DAB2IP: variants seen among roughly 807,000 people sequenced by gnomAD.
DAB2IP encodes the protein DAB2 interacting protein.
In DAB2IP, 28 loss-of-function variants were observed where a neutral mutation model predicts 107.2. That is an observed-to-expected ratio of 0.26 (90% CI 0.19 to 0.36). The LOEUF (loss-of-function observed/expected upper bound fraction) is 0.36. Among genes scored for constraint, DAB2IP ranks in the 10% least tolerant of loss-of-function variants. The pLI is 1.00. For missense variants in DAB2IP, 1,400 were observed against 1,644.7 expected (o/e 0.85, Z 2.57); for synonymous variants, 755 against 706.4 (o/e 1.07, Z -1.09).
chr9:121,743,425 G>A (rs1273444018), intron 3 of DAB2IP, among the ~76,000 whole-genome samples: 1 of 151,702 alleles, frequency 6.6e-6, no homozygotes, highest in Admixed American at 6.6e-5. Context: ...TTGGAGTTTC[G>A]TTTTTTGTTT....
intron 1 of DAB2IP, among the ~76,000 whole-genome samples, chr9:121,677,875 T>C (rs749616305): frequency 2.0e-5 from 3 of 152,156 alleles, no homozygotes; most frequent in Non-Finnish European, 4.4e-5. Flanking sequence ...TTGACCAGGC[T>C]GGTTTCGAAC....
rs1835209897 is a variant in DAB2IP, at chr9:121,776,500, G to C, written c.3314+109G>C. 1 of 1,218,678 alleles carries C rather than the reference G, an allele frequency of 8.2e-7. No individual in the cohort carries two copies. The highest frequency in any genetic ancestry group is 1.1e-6 in the Non-Finnish European group (1 of 895,190). The allele number at this position is 1,218,678 out of a possible 1,614,324, so 75.5% of individuals were successfully genotyped here. On this transcript the variant is annotated intron_variant, in intron 14 of 15. Coordinates refer to ENST00000408936, the Ensembl canonical transcript of DAB2IP. The surrounding 1 kb of genome is among the most constrained non-coding windows in gnomAD (Gnocchi z 5.4). ...CCTCCTCAAAGGATAAGCTGAATGT[G>C]GAGAGAGGAGGGAAGAGAGTGTCTG...
intron 3 of DAB2IP, among the ~76,000 whole-genome samples, chr9:121,750,205 A>G (rs1226075225): frequency 6.6e-6 from 1 of 152,210 alleles, no homozygotes; most frequent in East Asian, 1.9e-4. Context: ...AAGGTTGTAT[A>G]TTTCATAAGG....
chr9:121,712,860 C>T (rs1429351840), intron 3 of DAB2IP, among the ~76,000 whole-genome samples: 1 of 152,210 alleles, frequency 6.6e-6, no homozygotes, highest in Non-Finnish European at 1.5e-5. Flanking sequence ...ATGCATGGCT[C>T]CTTAGAGGCT....
intron 5 of DAB2IP, 110 bp downstream of exon 5, chr9:121,759,106 C>T: frequency 2.7e-6 from 3 of 1,125,920 alleles, no homozygotes; most frequent in African/African-American, 1.5e-5. Flanking sequence ...GGGTGGTCAG[C>T]CTGCATGGAG....
rs746311812 is a variant in DAB2IP at position 121,768,401 on chromosome 9, A to C, written c.1698-31A>C. 1.9e-6 allele frequency: 3 copies of C among 1,613,356 alleles called. No homozygotes were observed. The Admixed American group carries it at 5.0e-5, about 27-fold the overall frequency. On this transcript the variant is annotated intron_variant, in intron 9 of 15. Coordinates refer to ENST00000408936, the Ensembl canonical transcript of DAB2IP. ...TCCTGGGCAGGGCCTGCCTGGGCCC[A>C]GTAGTGCTCACCCAACTGCCCTCTC... is the stretch of plus-strand genomic sequence containing the variant.
chr9:121,659,882 T>C (rs376206394), intron 1 of DAB2IP, among the ~76,000 whole-genome samples: 30 of 152,142 alleles, frequency 2.0e-4, no homozygotes, highest in Admixed American at 1.3e-4. Flanking sequence ...ATCCCTACCC[T>C]GAGAGGCTGC....
At chr9:121,666,782 C>T (rs1833452047) in intron 1 of DAB2IP, among the ~76,000 whole-genome samples, 1 of 151,878 alleles carries the variant, frequency 6.6e-6, no homozygotes. Context: ...AAAAAGTGTG[C>T]AGTGGGAGCC....
At position 121,733,276 on chromosome 9, in the gene DAB2IP, T is replaced by A. The variant is rs1199420149; in HGVS notation, c.363-23737T>A. On this transcript the variant is annotated intron_variant, in intron 3 of 15. Coordinates refer to ENST00000408936, the Ensembl canonical transcript of DAB2IP. ...TTTAGAAAAAGCCTCTGTCGTCTGC[T>A]CAGTCTCTAGAAAGAAGAGATGTCT... is the stretch of plus-strand genomic sequence containing the variant. Among the ~76,000 whole-genome samples the A allele has an allele frequency of 2.6e-5, 4 of 152,246 alleles. No homozygotes were observed. In the East Asian group the frequency reaches 7.7e-4, roughly 29 times the overall value.
At chr9:121,651,576 C>A, upstream of DAB2IP, 1 of 886,550 alleles carries the variant, frequency 1.1e-6, no homozygotes, top group Non-Finnish European at 1.4e-6. This position sits in a 1 kb window ranked among gnomAD's most constrained non-coding sequence, Gnocchi z 5.1. Context: ...CAGCCCCCGC[C>A]GCGGGGCCGG....
At chr9:121,758,615 T>C (rs1358050304) in intron 4 of DAB2IP, among the ~76,000 whole-genome samples, 1 of 152,162 alleles carries the variant, frequency 6.6e-6, no homozygotes, top group African/African-American at 2.4e-5. Flanking sequence ...AGGAAGATGC[T>C]TTCCTATTGG....
chr9:121,775,290 CCTT>C (rs796627578), intron 13 of DAB2IP, among the ~76,000 whole-genome samples: 1 of 152,320 alleles, frequency 6.6e-6, no homozygotes, highest in African/African-American at 2.4e-5. Flanking sequence ...TGGCAGAACT[CCTT>C]CTCCCCGGCC....
At chr9:121,607,508 G>A (rs1830926070) in intron 1 of DAB2IP, among the ~76,000 whole-genome samples, 1 of 151,846 alleles carries the variant, frequency 6.6e-6, no homozygotes, top group Non-Finnish European at 1.5e-5. Flanking sequence ...TTGCTGTGTT[G>A]TCCAGGCTGG....
chr9:121,782,487 AGCAATT>A lies in DAB2IP; in HGVS notation c.3561_3566del (p.Asn1188_Cys1189del). ...TGAGAACGGCGAGTTCAGAAACAGC[AGCAATT>A]GTTAACCTGCCTGAGGAGGGAGGAA... On this transcript the variant is annotated inframe_deletion, in exon 16 of 16. Coordinates refer to ENST00000408936, the Ensembl canonical transcript of DAB2IP. The surrounding 1 kb of genome is among the most constrained non-coding windows in gnomAD (Gnocchi z 6.1). The A allele has an allele frequency of 1.2e-6, 2 of 1,613,980 alleles. No individual in the cohort carries two copies. The highest frequency in any genetic ancestry group is 1.7e-6 in the Non-Finnish European group (2 of 1,179,888).
chr9:121,663,259 C>T (rs1417223027), intron 1 of DAB2IP, among the ~76,000 whole-genome samples: 1 of 152,202 alleles, frequency 6.6e-6, no homozygotes, highest in Non-Finnish European at 1.5e-5. Context: ...CTACACCAGA[C>T]TATTAACGCG....
upstream of DAB2IP, among the ~76,000 whole-genome samples, chr9:121,649,596 C>T (rs2119055135): frequency 6.6e-6 from 1 of 152,314 alleles, no homozygotes. Flanking sequence ...GACCGTTGCC[C>T]CCGTCCTGAG....
Position 121,684,357 on chromosome 9 carries a change from C to A in DAB2IP, c.228+5576C>A, listed in dbSNP as rs948356775. On this transcript the variant is annotated intron_variant, in intron 2 of 15. Transcript: ENST00000408936. The surrounding 1 kb of genome is among the most constrained non-coding windows in gnomAD (Gnocchi z 4.0). ...GAGCCCAGGTCTCTGTCCCTCTCCC[C>A]CGCATCCAGTGGTCCTCACCCCTTA... Among the ~76,000 whole-genome samples the A allele has an allele frequency of 6.6e-6, 1 of 152,150 alleles. No homozygotes were observed. Among genetic ancestry groups the A allele is most frequent in the African/African-American group, 2.4e-5 (1 of 41,416 alleles).
intron 1 of DAB2IP, among the ~76,000 whole-genome samples, chr9:121,642,123 C>T (rs1220854661): frequency 6.8e-6 from 1 of 147,754 alleles, no homozygotes; most frequent in African/African-American, 2.5e-5. Flanking sequence ...CTCTGTTGCC[C>T]AGGCTGGAGT....
chr9:121,585,744 C>T (rs1830298729), intron 1 of DAB2IP, among the ~76,000 whole-genome samples: 1 of 152,054 alleles, frequency 6.6e-6, no homozygotes, highest in Admixed American at 6.6e-5. Flanking sequence ...GTCCCAGCTA[C>T]TCAGGAAGCT....
Sources: allele counts gnomAD v4.1 joint callset (sites outside exome capture counted in the v4.1 genomes callset), GRCh38; gene constraint gnomAD v4.1.1; non-coding constraint Gnocchi (gnomAD v3.1); transcripts MANE v1.5; gene names NCBI Gene and HGNC (gene_info 2026-07-23, HGNC 2026-07-21).